The following GFM1 variants were observed in gnomAD, a reference collection of about 807,000 sequenced individuals.
GFM1 encodes the protein G elongation factor mitochondrial 1.
In GFM1, 62 loss-of-function variants were observed where a neutral mutation model predicts 96.2. That is an observed-to-expected ratio of 0.64 (90% CI 0.53 to 0.80). The LOEUF is 0.80. Among genes scored for constraint, GFM1 ranks in the 30% least tolerant of loss-of-function variants. The pLI, the probability that GFM1 is intolerant of heterozygous loss-of-function variation, is 0.00. For missense variants in GFM1, 852 were observed against 916.6 expected (o/e 0.93, Z 0.91); for synonymous variants, 282 against 312.9 (o/e 0.90, Z 1.04).
intron 13 of GFM1, chr3:158,666,878 A>G: frequency 2.1e-6 from 3 of 1,445,356 alleles, no homozygotes; most frequent in Non-Finnish European, 2.8e-6. Flanking sequence ...TGCAATTATA[A>G]TATACTTAAA....
chr3:158,668,007 G>C (rs17630394), intron 13 of GFM1, among the ~76,000 whole-genome samples: 15,831 of 152,118 alleles, frequency 0.1, 1,056 homozygotes, highest in South Asian at 0.21. Flanking sequence ...CTAAATGTTG[G>C]ATTATAACTC....
chr3:158,691,573 GC>G lies in GFM1; in HGVS notation c.*109del. The G allele has an allele frequency of 1.5e-6, 2 of 1,301,052 alleles. No individual in the cohort carries two copies. The highest frequency in any genetic ancestry group is 2.2e-6 in the Non-Finnish European group (2 of 905,956). 80.6% of individuals were successfully genotyped at this position (1,301,052 alleles called of 1,614,324 possible). ...AGGCTGCTGAAACAAGAAATTCTGA[GC>G]CCAGGAAGCGGGCTCTTCTTTCTTC... On this transcript the variant is annotated 3_prime_UTR_variant, in exon 18 of 18. Coordinates refer to ENST00000486715, the MANE Select transcript of GFM1 (RefSeq NM_024996.7).
intron 4 of GFM1, among the ~76,000 whole-genome samples, chr3:158,648,642 C>A (rs369004154): frequency 1.4e-5 from 2 of 144,998 alleles, no homozygotes; most frequent in African/African-American, 5.1e-5. Context: ...CACACCATCA[C>A]ACTTCAGCCT....
intron 9 of GFM1, 50 bp from the exon 10 acceptor site, chr3:158,660,824 C>A (rs1723144056): frequency 2.0e-6 from 3 of 1,479,266 alleles, no homozygotes; most frequent in South Asian, 1.1e-5. Context: ...GTTACCACAT[C>A]TTTATTTGTA....
At chr3:158,664,965 T>C (rs971657243) in intron 11 of GFM1, among the ~76,000 whole-genome samples, 15 of 152,214 alleles carry the variant, frequency 9.9e-5, no homozygotes, top group African/African-American at 3.6e-4. Context: ...TTGGTAAACA[T>C]GCTGATTCCT....
Position 158,694,212 on chromosome 3 carries a change from A to C in GFM1, c.*2745A>C, listed in dbSNP as rs371442635. Reference sequence around the variant, plus strand: ...TATCACTGATAGACTGGATAAAGAAAATGTGGTACATACACATTGTGGAAT... The same window carrying C: ...TATCACTGATAGACTGGATAAAGAACATGTGGTACATACACATTGTGGAAT... On this transcript the variant is annotated 3_prime_UTR_variant, in exon 18 of 18. Coordinates refer to ENST00000486715, the MANE Select transcript of GFM1 (RefSeq NM_024996.7). Among the ~76,000 whole-genome samples the C allele has an allele frequency of 5.3e-5, 8 of 152,260 alleles. 1 individual carries two copies. The highest frequency in any genetic ancestry group is 3.9e-4 in the East Asian group (2 of 5,182).
chr3:158,669,948 A>G (rs1724116590), intron 13 of GFM1, among the ~76,000 whole-genome samples: 4 of 152,216 alleles, frequency 2.6e-5, no homozygotes, highest in Admixed American at 2.6e-4. Flanking sequence ...AAGACTGGTT[A>G]CTTTTAAAGT....
At chr3:158,666,969 C>A (rs756761292) in intron 13 of GFM1, 3 of 1,570,914 alleles carry the variant, frequency 1.9e-6, no homozygotes, top group East Asian at 2.3e-5. Context: ...CAAGGAGTCT[C>A]AGTTTTCAGA....
chr3:158,646,646 A>T, intron 3 of GFM1, 97 bp from the exon 4 acceptor site: 1 of 1,027,164 alleles, frequency 9.7e-7, no homozygotes, highest in Non-Finnish European at 1.5e-6. Flanking sequence ...TTATTAGAAG[A>T]CTTATGTGAT....
chr3:158,650,597 A>G (rs1722208881), intron 5 of GFM1: 1 of 153,322 alleles, frequency 6.5e-6, no homozygotes, highest in Non-Finnish European at 1.5e-5. Context: ...TGAAATTAAA[A>G]TCTGAAAGTT....
At chr3:158,649,003 G>A (rs1419375911) in intron 4 of GFM1, 38 bp from the exon 5 acceptor site, 1 of 927,298 alleles carries the variant, frequency 1.1e-6, no homozygotes, top group Admixed American at 1.7e-5. Flanking sequence ...GATTAGGGGA[G>A]AAGAAAAAAG....
intron 3 of GFM1, among the ~76,000 whole-genome samples, chr3:158,646,541 G>T (rs1444786132): frequency 6.6e-6 from 1 of 152,160 alleles, no homozygotes; most frequent in African/African-American, 2.4e-5. Flanking sequence ...TGATTCTAAA[G>T]GTGCCTGTGC....
At chr3:158,646,006 C>A (rs1721754790) in intron 2 of GFM1, 159 bp from the exon 3 acceptor site, 2 of 992,370 alleles carry the variant, frequency 2.0e-6, no homozygotes, top group Non-Finnish European at 3.1e-6. Context: ...TGGTCTCAAA[C>A]TCTTGGGCTC....
intron 13 of GFM1, chr3:158,666,984 C>T: frequency 7.6e-6 from 12 of 1,583,162 alleles, no homozygotes; most frequent in Non-Finnish European, 6.9e-6. Flanking sequence ...TTCAGAATGG[C>T]ATCAAATAAA....
chr3:158,644,531 T>C lies in GFM1; in HGVS notation c.-104T>C, dbSNP rs1721569734. 1.3e-5 allele frequency: 12 copies of C among 899,160 alleles called. No individual in the cohort carries two copies. Among genetic ancestry groups the C allele is most frequent in the Non-Finnish European group, 2.1e-5 (12 of 561,590 alleles). The allele number at this position is 899,160 out of a possible 1,614,324, so 55.7% of individuals were successfully genotyped here. On this transcript the variant is annotated 5_prime_UTR_variant, in exon 1 of 18. Transcript: ENST00000486715. Reference sequence around the variant, plus strand: ...CGCGTCCTTTGCCCCGGAAGTGCTCTTACAACATTGGCTGCCGGCGTGACT... The same window carrying C: ...CGCGTCCTTTGCCCCGGAAGTGCTCCTACAACATTGGCTGCCGGCGTGACT...
chr3:158,686,340 A>G (rs188334884), intron 15 of GFM1, among the ~76,000 whole-genome samples: 1 of 148,136 alleles, frequency 6.8e-6, no homozygotes, highest in Admixed American at 6.8e-5. Flanking sequence ...AAAAAGATAC[A>G]TATATAAAAT....
At chr3:158,674,471 A>T (rs1238803572) in intron 13 of GFM1, among the ~76,000 whole-genome samples, 1 of 152,120 alleles carries the variant, frequency 6.6e-6, no homozygotes, top group Non-Finnish European at 1.5e-5. Flanking sequence ...ACGAACTTAC[A>T]CTGTCTCCTG....
At chr3:158,671,391 T>C (rs1724286853) in intron 13 of GFM1, among the ~76,000 whole-genome samples, 1 of 152,208 alleles carries the variant, frequency 6.6e-6, no homozygotes, top group African/African-American at 2.4e-5. Flanking sequence ...TTCATAAAGC[T>C]CAGTGTACCC....
In GFM1 at chr3:158,692,860, T is replaced by G. The variant is rs1576803163; in HGVS notation, c.*1393T>G. Reference sequence around the variant, plus strand: ...GTGTGCGCCACCACTCCCTGCTAATTTTTTGCATTTTTTGAAGAGATAGGG... The same window carrying G: ...GTGTGCGCCACCACTCCCTGCTAATGTTTTGCATTTTTTGAAGAGATAGGG... On this transcript the variant is annotated 3_prime_UTR_variant, in exon 18 of 18. Coordinates refer to ENST00000486715, the MANE Select transcript of GFM1 (RefSeq NM_024996.7). Among the ~76,000 whole-genome samples, 1 of 151,982 alleles carries G rather than the reference T, an allele frequency of 6.6e-6. No individual in the cohort carries two copies. Among genetic ancestry groups the G allele is most frequent in the East Asian group, 1.9e-4 (1 of 5,154 alleles).
Sources: gnomAD v4.1 joint callset for allele counts (sites outside exome capture counted in the v4.1 genomes callset) on GRCh38, gnomAD v4.1.1 for gene constraint, MANE v1.5 for transcripts, NCBI Gene and HGNC (gene_info 2026-07-23, HGNC 2026-07-21) for gene names.